ZNF423: variants seen among roughly 807,000 people sequenced by gnomAD.
ZNF423 encodes the protein Ebf-associated zinc finger protein.
ZNF423 carries 12 observed loss-of-function variants against 95.8 expected under a neutral mutation model. The observed-to-expected ratio is 0.13, with a 90% confidence interval of 0.08 to 0.20. ZNF423 has a LOEUF of 0.20. ZNF423 is among the 10% of genes least tolerant of loss of function. ZNF423 has a pLI of 1.00. For synonymous variants in ZNF423, 749 were observed against 711.9 expected (o/e 1.05, Z -0.83); for missense variants, 1,316 against 1,737.1 (o/e 0.76, Z 4.31).
At chr16:49,621,293 CAT>C (rs1972071365) in intron 5 of ZNF423, among the ~76,000 whole-genome samples, 1 of 152,146 alleles carries the variant, frequency 6.6e-6, no homozygotes, top group Non-Finnish European at 1.5e-5. Flanking sequence ...CCTCATTCTC[CAT>C]GCGGAGGGGG....
chr16:49,728,973 C>T (rs773120613), intron 3 of ZNF423, among the ~76,000 whole-genome samples: 16 of 152,152 alleles, frequency 1.1e-4, no homozygotes, highest in Non-Finnish European at 1.6e-4. Flanking sequence ...CATCGTGATC[C>T]GCCTGCCTCA....
At chr16:49,697,026 G>C (rs1217971289) in intron 3 of ZNF423, among the ~76,000 whole-genome samples, 3 of 152,220 alleles carry the variant, frequency 2.0e-5, no homozygotes, top group African/African-American at 7.2e-5. Flanking sequence ...GTTGACGCAG[G>C]AATGCAGTCC....
intron 5 of ZNF423, among the ~76,000 whole-genome samples, chr16:49,568,990 C>T (rs1970277451): frequency 6.6e-6 from 1 of 152,088 alleles, no homozygotes. Context: ...TCAGATTAGA[C>T]CCCACCAGCC....
At chr16:49,821,785 C>T (rs1372655389) in intron 1 of ZNF423, among the ~76,000 whole-genome samples, 4 of 152,120 alleles carry the variant, frequency 2.6e-5, no homozygotes, top group Admixed American at 6.5e-5. Context: ...CTTCTGTGGG[C>T]CCAGGGAAGG....
At chr16:49,721,654 A>C (rs941238021) in intron 3 of ZNF423, among the ~76,000 whole-genome samples, 1 of 152,122 alleles carries the variant, frequency 6.6e-6, no homozygotes, top group Non-Finnish European at 1.5e-5. Context: ...GCCAGGCGCC[A>C]CACTGGATCC....
At chr16:49,854,827 T>G in intron 1 of ZNF423, 1 of 985,184 alleles carries the variant, frequency 1.0e-6, no homozygotes, top group Admixed American at 6.1e-5. Flanking sequence ...GACGAAGGGA[T>G]GGGTGTGTGT....
At chr16:49,751,501 A>G (rs2033633004) in intron 2 of ZNF423, among the ~76,000 whole-genome samples, 4 of 152,164 alleles carry the variant, frequency 2.6e-5, no homozygotes, top group Admixed American at 2.0e-4. Flanking sequence ...AGCCCACATG[A>G]GCCACCGTGC....
At chr16:49,586,563 A>G (rs1970844236) in intron 5 of ZNF423, among the ~76,000 whole-genome samples, 1 of 152,258 alleles carries the variant, frequency 6.6e-6, no homozygotes, top group Non-Finnish European at 1.5e-5. Flanking sequence ...GAGGGAAATT[A>G]GAGCATTACC....
chr16:49,830,579 G>A (rs2035050945), intron 1 of ZNF423, among the ~76,000 whole-genome samples: 1 of 152,178 alleles, frequency 6.6e-6, no homozygotes, highest in South Asian at 2.1e-4. Context: ...GGAACATGGG[G>A]ACATTTAGGA....
rs569746091 is a variant in ZNF423 at position 49,513,353 on chromosome 16, G to A, written c.3849+10271C>T. On this transcript the variant is annotated intron_variant, in intron 7 of 7. Transcript: ENST00000563137. ...CTAAAGCAGGAAGGAGGAAGATGCC[G>A]CTACTCACAGAAAGCGCAGCCAGAG... Among the ~76,000 whole-genome samples, 17 of 152,326 alleles carry A rather than the reference G, an allele frequency of 1.1e-4. No individual in the cohort carries two copies. In the South Asian group the frequency reaches 1.5e-3, roughly 13 times the overall value.
At chr16:49,783,395 C>T (rs112866619) in intron 2 of ZNF423, among the ~76,000 whole-genome samples, 5 of 47,812 alleles carry the variant, frequency 1.0e-4, no homozygotes, top group Non-Finnish European at 1.9e-4. Flanking sequence ...GAAAGAGGGG[C>T]GTTAGGGTTA....
chr16:49,835,656 G>A (rs535104203), intron 1 of ZNF423, among the ~76,000 whole-genome samples: 1 of 152,308 alleles, frequency 6.6e-6, no homozygotes, highest in East Asian at 1.9e-4. Flanking sequence ...CCAAAAAAAA[G>A]GGACGCAACC....
chr16:49,799,222 A>G (rs2034544517), intron 1 of ZNF423, among the ~76,000 whole-genome samples: 2 of 152,158 alleles, frequency 1.3e-5, no homozygotes, highest in African/African-American at 4.8e-5. Flanking sequence ...GAGAGGACCA[A>G]ATGAGATGAT....
chr16:49,589,274 A>G (rs1199940560), intron 5 of ZNF423, among the ~76,000 whole-genome samples: 2 of 152,200 alleles, frequency 1.3e-5, no homozygotes, highest in Non-Finnish European at 2.9e-5. Context: ...AGACAAAGAG[A>G]TAAGACAAAA....
At chr16:49,599,525 C>T (rs937165113) in intron 5 of ZNF423, among the ~76,000 whole-genome samples, 1 of 152,156 alleles carries the variant, frequency 6.6e-6, no homozygotes, top group African/African-American at 2.4e-5. Context: ...TCCCAAGACC[C>T]CAGAGCCAGG....
intron 2 of ZNF423, among the ~76,000 whole-genome samples, chr16:49,744,943 T>A (rs1184367080): frequency 6.6e-6 from 1 of 152,218 alleles, no homozygotes; most frequent in African/African-American, 2.4e-5. Context: ...TAATTTTTTA[T>A]TGATCACACT....
chr16:49,572,725 T>G (rs962763343), intron 5 of ZNF423, among the ~76,000 whole-genome samples: 1 of 151,820 alleles, frequency 6.6e-6, no homozygotes, highest in African/African-American at 2.4e-5. Flanking sequence ...GTGAGGAAGG[T>G]GTGGATGGAG....
chr16:49,558,311 A>C (rs1969904244), intron 5 of ZNF423, among the ~76,000 whole-genome samples: 2 of 152,200 alleles, frequency 1.3e-5, no homozygotes, highest in Non-Finnish European at 2.9e-5. Context: ...ACAGCACTTA[A>C]ACTCTGCTTG....
chr16:49,660,844 G>C (rs555281650), intron 3 of ZNF423, among the ~76,000 whole-genome samples: 7 of 152,164 alleles, frequency 4.6e-5, no homozygotes, highest in South Asian at 4.2e-4. Flanking sequence ...GGGGGGATGG[G>C]GGGGGAGCTT....
Sources: gnomAD v4.1 joint callset for allele counts (sites outside exome capture counted in the v4.1 genomes callset) on GRCh38, gnomAD v4.1.1 for gene constraint, MANE v1.5 for transcripts, NCBI Gene and HGNC (gene_info 2026-07-23, HGNC 2026-07-21) for gene names.